The following MARCHF10 variants were observed in gnomAD, a reference collection of about 807,000 sequenced individuals.
MARCHF10 encodes the protein probable E3 ubiquitin-protein ligase MARCHF10.
MARCHF10 carries 64 observed loss-of-function variants against 76.2 expected under a neutral mutation model. The observed-to-expected ratio is 0.84, with a 90% CI of 0.69 to 1.03. The LOEUF is 1.03. Among genes scored for constraint, MARCHF10 ranks in the 50% least tolerant of loss-of-function variants. The pLI is 0.00. For synonymous variants in MARCHF10, 340 were observed against 357.5 expected, an observed-to-expected ratio of 0.95 and a Z score of 0.55; for missense variants, 875 against 958.0, an observed-to-expected ratio of 0.91 and a Z score of 1.14.
At chr17:62,767,485 C>G (rs2092360499) in intron 3 of MARCHF10, among the ~76,000 whole-genome samples, 1 of 129,164 alleles carries the variant, frequency 7.7e-6, no homozygotes, top group African/African-American at 2.8e-5. Flanking sequence ...GAGTCTCCCT[C>G]TGTCGCCCAG....
chr17:62,707,098 C>G (rs1347975127), intron 9 of MARCHF10, among the ~76,000 whole-genome samples: 1 of 152,162 alleles, frequency 6.6e-6, no homozygotes, highest in African/African-American at 2.4e-5. Flanking sequence ...CCCACACGGG[C>G]CCCCTTATTA....
chr17:62,710,401 C>T (rs2089854224), intron 9 of MARCHF10, among the ~76,000 whole-genome samples: 3 of 151,916 alleles, frequency 2.0e-5, no homozygotes, highest in African/African-American at 2.4e-5. Context: ...GAAGGACAGG[C>T]CTGGGTCAAA....
Position 62,722,614 on chromosome 17 carries a change from A to G in MARCHF10, c.2105-17T>C, listed in dbSNP as rs2090546743. On this transcript the variant is annotated splice_polypyrimidine_tract_variant and intron_variant, in intron 7 of 10. Coordinates refer to ENST00000311269, the MANE Select transcript of MARCHF10 (RefSeq NM_152598.4). ...GATCTGCTCCTTAAATTGGATAAAG[A>G]ATTATATGTACATATAACCATGGGT... 2 of 1,599,442 alleles carry G rather than the reference A, an allele frequency of 1.3e-6. No individual in the cohort carries two copies. The highest frequency in any genetic ancestry group is 1.7e-6 in the Non-Finnish European group (2 of 1,169,544).
chr17:62,759,761 G>C, intron 4 of MARCHF10, 74 bp downstream of exon 4: 1 of 1,497,958 alleles, frequency 6.7e-7, no homozygotes, highest in Non-Finnish European at 9.1e-7. Flanking sequence ...GTGAGCCACC[G>C]TGCTCGGCCT....
rs149142268 is a variant in MARCHF10, at chr17:62,740,152, T to C, written c.536-2820A>G. 7.8e-4 allele frequency among the ~76,000 whole-genome samples: 118 copies of C among 152,140 alleles called. 1 individual carries two copies. The South Asian group carries it at 0.011, about 14-fold the overall frequency. On this transcript the variant is annotated intron_variant, in intron 5 of 10. Coordinates refer to ENST00000311269, the MANE Select transcript of MARCHF10 (RefSeq NM_152598.4). ...CTCGATTTATGCTATTTTAACCCTA[T>C]TTTTTTATGTCTATCAAATAGAGAG... is the stretch of plus-strand genomic sequence containing the variant.
At chr17:62,790,709 C>T (rs2092827974) in intron 2 of MARCHF10, among the ~76,000 whole-genome samples, 1 of 152,204 alleles carries the variant, frequency 6.6e-6, no homozygotes, top group Non-Finnish European at 1.5e-5. Context: ...TTCCGTGATG[C>T]AGTAGGACTT....
At chr17:62,704,961 T>TTTTTTTTA in intron 10 of MARCHF10, 23 of 925,202 alleles carry the variant, frequency 2.5e-5, no homozygotes, top group South Asian at 5.0e-5. Context: ...TTTTTTTTTT[T>TTTTTTTTA]AATGGAAAAA....
At chr17:62,730,012 T>C (rs1461711057) in intron 6 of MARCHF10, among the ~76,000 whole-genome samples, 1 of 152,140 alleles carries the variant, frequency 6.6e-6, no homozygotes, top group African/African-American at 2.4e-5. Flanking sequence ...TGAAGCCCCG[T>C]CTCTACTAAA....
rs148775715 is a variant in MARCHF10, at chr17:62,801,969, C to A, written c.-17-217G>T. On this transcript the variant is annotated intron_variant, in intron 1 of 10. Transcript: ENST00000311269. ...CAGGCATAAATAATGCAGCCACCTT[C>A]ATCAAGCACTTCAGTGATCCTGTCC... Among the ~76,000 whole-genome samples the A allele has an allele frequency of 2.6e-3, 391 of 152,320 alleles. 1 individual carries two copies. The highest frequency in any genetic ancestry group is 8.9e-3 in the African/African-American group (371 of 41,572).
intron 3 of MARCHF10, among the ~76,000 whole-genome samples, chr17:62,768,390 G>A (rs753245013): frequency 1.9e-4 from 29 of 152,148 alleles, no homozygotes; most frequent in South Asian, 1.0e-3. Flanking sequence ...TGGTGGCATG[G>A]GCACCTGTAG....
intron 2 of MARCHF10, among the ~76,000 whole-genome samples, chr17:62,796,520 G>C (rs1196312848): frequency 1.3e-5 from 2 of 152,174 alleles, no homozygotes; most frequent in Non-Finnish European, 2.9e-5. Context: ...GAGTGGATTT[G>C]ACTTTTAGGA....
intron 4 of MARCHF10, among the ~76,000 whole-genome samples, chr17:62,752,358 C>T (rs1012251932): frequency 2.0e-5 from 3 of 152,172 alleles, no homozygotes; most frequent in Non-Finnish European, 4.4e-5. Context: ...GGGGAGTGCT[C>T]TGTTGGGCAG....
intron 6 of MARCHF10, among the ~76,000 whole-genome samples, 189 bp from the exon 7 acceptor site, chr17:62,725,293 T>C (rs1181723304): frequency 6.6e-6 from 1 of 152,162 alleles, no homozygotes; most frequent in Non-Finnish European, 1.5e-5. Context: ...AAACAGAGTC[T>C]CACTCCGTTG....
chr17:62,729,604 G>A (rs1289294133), intron 6 of MARCHF10, among the ~76,000 whole-genome samples: 1 of 149,732 alleles, frequency 6.7e-6, no homozygotes, highest in South Asian at 2.1e-4. Context: ...TTAGAGACAG[G>A]GCCTCACTTT....
intron 3 of MARCHF10, among the ~76,000 whole-genome samples, chr17:62,767,450 CTTTTTTTT>C (rs1555707309): frequency 7.4e-6 from 1 of 134,790 alleles, no homozygotes; most frequent in Non-Finnish European, 1.6e-5. Flanking sequence ...GGTCTGTATT[CTTTTTTTT>C]TTTTTTTTTT....
intron 5 of MARCHF10, among the ~76,000 whole-genome samples, chr17:62,740,913 C>A (rs924737925): frequency 4.6e-5 from 7 of 152,136 alleles, no homozygotes; most frequent in African/African-American, 1.7e-4. Context: ...CAGGCATGAC[C>A]CACCGTGTCT....
At chr17:62,795,866 A>G (rs2092975867) in intron 2 of MARCHF10, among the ~76,000 whole-genome samples, 1 of 152,152 alleles carries the variant, frequency 6.6e-6, no homozygotes. Flanking sequence ...GGATTTCCAT[A>G]GGAAGTCACT....
rs1364870058 is a variant in MARCHF10, at chr17:62,722,578, C to T, written c.2124G>A (p.Val708=). The change falls in exon 8 of 11, where the codon GTG becomes GTA. Residue 708 remains valine, a synonymous_variant. Transcript: ENST00000311269. ...KITSGADLGA[V]KTCEMCKQGL... ...CTTGCTTACACATCTCACAGGTCTT[C>T]ACGGCACCAAGATCTGCTCCTTAAA... 1.2e-6 allele frequency: 2 copies of T among 1,613,670 alleles called. No homozygotes were observed. The highest frequency in any genetic ancestry group is 1.1e-5 in the South Asian group (1 of 90,924).
intron 2 of MARCHF10, chr17:62,794,873 G>T: frequency 3.0e-6 from 1 of 328,588 alleles, no homozygotes; most frequent in Non-Finnish European, 4.4e-6. Flanking sequence ...CCAGAGTCTG[G>T]CATTTTAATT....
Sources: allele counts gnomAD v4.1 joint callset (sites outside exome capture counted in the v4.1 genomes callset), GRCh38; gene constraint gnomAD v4.1.1; transcripts MANE v1.5; gene names NCBI Gene and HGNC (gene_info 2026-07-23, HGNC 2026-07-21).